The following IQGAP2 variants were observed in gnomAD, a reference collection of about 807,000 sequenced individuals.
The protein encoded by IQGAP2 is ras GTPase-activating-like protein IQGAP2.
A neutral mutation model predicts 201.3 loss-of-function variants in IQGAP2; 173 were observed. The ratio of observed to expected loss-of-function variants is 0.86; its 90% CI spans 0.76 to 0.98. IQGAP2 has a LOEUF of 0.98. Ranked by LOEUF, IQGAP2 falls within the 50% of genes least tolerant of loss-of-function variation. The pLI is 0.00. For missense variants in IQGAP2, 1,687 were observed against 1,864.8 expected (o/e 0.90, Z 1.76); for synonymous variants, 675 against 673.9 (o/e 1.00, Z -0.03).
chr5:76,428,063 A>T (rs907327525), intron 1 of IQGAP2, among the ~76,000 whole-genome samples: 1 of 152,200 alleles, frequency 6.6e-6, no homozygotes, highest in African/African-American at 2.4e-5. Flanking sequence ...TGAAGGGGCA[A>T]ACTGGCCCCA....
chr5:76,435,290 G>C (rs1195900762), intron 1 of IQGAP2, among the ~76,000 whole-genome samples: 1 of 152,060 alleles, frequency 6.6e-6, no homozygotes, highest in Admixed American at 6.6e-5. Flanking sequence ...ATGTTCAAAA[G>C]AGTTTTTCCT....
At chr5:76,456,701 A>G (rs1754106374) in intron 1 of IQGAP2, among the ~76,000 whole-genome samples, 1 of 152,240 alleles carries the variant, frequency 6.6e-6, no homozygotes, top group East Asian at 1.9e-4. Flanking sequence ...AAGATGGTTC[A>G]ATGAACAATT....
chr5:76,413,376 T>C (rs1751242673), intron 1 of IQGAP2, among the ~76,000 whole-genome samples: 1 of 151,972 alleles, frequency 6.6e-6, no homozygotes, highest in Non-Finnish European at 1.5e-5. Context: ...ACCGTATTAG[T>C]CAGGCTGCTC....
intron 1 of IQGAP2, among the ~76,000 whole-genome samples, chr5:76,442,616 T>C (rs1257142986): frequency 6.6e-6 from 1 of 152,232 alleles, no homozygotes; most frequent in Non-Finnish European, 1.5e-5. Context: ...CTAGAGTGCA[T>C]GTAAACATCT....
In IQGAP2 at chr5:76,669,495, G is replaced by A. The variant is rs532462605; in HGVS notation, c.2843+651G>A. Among the ~76,000 whole-genome samples, 7 of 152,226 alleles carry A rather than the reference G, an allele frequency of 4.6e-5. No homozygotes were observed. The South Asian group carries it at 8.3e-4, about 18-fold the overall frequency. ...ATGTGGTAAGTACTAAATGAAGGAC[G>A]CGTCTAAATGAAGGACATGTACAAT... On this transcript the variant is annotated intron_variant, in intron 23 of 35. Transcript: ENST00000274364.
In IQGAP2 at chr5:76,410,124, A is replaced by C. The variant is rs540902342; in HGVS notation, c.46+6533A>C. Among the ~76,000 whole-genome samples, 5 of 152,360 alleles carry C rather than the reference A, an allele frequency of 3.3e-5. No homozygotes were observed. The East Asian group carries it at 7.7e-4, about 23-fold the overall frequency. Reference sequence around the variant, plus strand: ...GACAGCTTACCAGAGAATCTGGGTGACAAGTAAAAATGCTTATACTTTTAG... The same window carrying C: ...GACAGCTTACCAGAGAATCTGGGTGCCAAGTAAAAATGCTTATACTTTTAG... On this transcript the variant is annotated intron_variant, in intron 1 of 35. Transcript: ENST00000274364.
intron 2 of IQGAP2, among the ~76,000 whole-genome samples, chr5:76,515,872 C>CTTTTT (rs71604295): frequency 1.6e-4 from 16 of 102,722 alleles, no homozygotes; most frequent in African/African-American, 3.9e-4. Flanking sequence ...AGGGGGTGAT[C>CTTTTT]TTTTTTTTTT....
chr5:76,429,349 G>C (rs1752199136), intron 1 of IQGAP2, among the ~76,000 whole-genome samples: 2 of 151,614 alleles, frequency 1.3e-5, no homozygotes, highest in African/African-American at 2.4e-5. Flanking sequence ...GAGGTGGGCA[G>C]ATCACGAGGT....
At chr5:76,597,409 T>C in intron 9 of IQGAP2, 30 bp from the exon 10 acceptor site, 5 of 1,611,848 alleles carry the variant, frequency 3.1e-6, no homozygotes, top group Non-Finnish European at 4.2e-6. Context: ...AGAGCAACCA[T>C]TCTGACAAAA....
intron 8 of IQGAP2, 76 bp downstream of exon 8, chr5:76,590,662 A>C (rs894389760): frequency 6.1e-5 from 68 of 1,117,028 alleles, no homozygotes; most frequent in Non-Finnish European, 8.3e-5. Flanking sequence ...TTAATGTTGA[A>C]AGCAATACTT....
At chr5:76,584,040 T>C (rs1385090517) in intron 5 of IQGAP2, among the ~76,000 whole-genome samples, 3 of 151,958 alleles carry the variant, frequency 2.0e-5, no homozygotes, top group Admixed American at 6.6e-5. Flanking sequence ...GCCCAGATAA[T>C]TTTTGTATTT....
intron 2 of IQGAP2, among the ~76,000 whole-genome samples, chr5:76,556,072 TAGAAG>T (rs1743924141): frequency 6.6e-6 from 1 of 151,900 alleles, no homozygotes; most frequent in African/African-American, 2.4e-5. Context: ...GGTTAATAGG[TAGAAG>T]AGAAGAGAGA....
In IQGAP2 at chr5:76,637,086, C is replaced by A; in HGVS notation, c.1833C>A (p.Tyr611Ter). 1 of 1,611,344 alleles carries A rather than the reference C, an allele frequency of 6.2e-7. No individual in the cohort carries two copies. The highest frequency in any genetic ancestry group is 8.5e-7 in the Non-Finnish European group (1 of 1,177,956). ...LKLNLHKKYD[Y>*]YYNTDSKESS... Reference sequence around the variant, plus strand: ...TCAACCTGCACAAAAAATATGACTACTATTACAACACTGATTCAAAAGAGA... The same window carrying A: ...TCAACCTGCACAAAAAATATGACTAATATTACAACACTGATTCAAAAGAGA... Residue 611 changes from tyrosine to a stop codon, truncating the protein, a stop_gained, in exon 16 of 36, where the codon TAC becomes TAA. Coordinates refer to ENST00000274364, the MANE Select transcript of IQGAP2 (RefSeq NM_006633.5). LOFTEE classifies it high-confidence loss of function.
At chr5:76,561,991 C>A (rs182353613) in intron 2 of IQGAP2, among the ~76,000 whole-genome samples, 18 of 152,310 alleles carry the variant, frequency 1.2e-4, no homozygotes, top group Admixed American at 1.2e-3. Flanking sequence ...ACTATGCACT[C>A]CCTAAGGCAC....
intron 16 of IQGAP2, 33 bp from the exon 17 acceptor site, chr5:76,640,900 T>A: frequency 2.7e-6 from 4 of 1,503,770 alleles, no homozygotes; most frequent in Non-Finnish European, 3.6e-6. Context: ...AGCTGATGTG[T>A]GAAGTGTAAC....
At chr5:76,509,046 T>TGG (rs1757792864) in intron 2 of IQGAP2, among the ~76,000 whole-genome samples, 1 of 150,606 alleles carries the variant, frequency 6.6e-6, no homozygotes, top group Non-Finnish European at 1.5e-5. Context: ...TGTGTGTGTG[T>TGG]GTGTGTGTGT....
intron 1 of IQGAP2, among the ~76,000 whole-genome samples, chr5:76,426,846 G>C (rs986021488): frequency 5.9e-5 from 9 of 151,750 alleles, no homozygotes; most frequent in African/African-American, 2.2e-4. Context: ...CTCCATCCTT[G>C]GCTGTCACAC....
At chr5:76,510,275 T>C (rs1023661182) in intron 2 of IQGAP2, among the ~76,000 whole-genome samples, 1 of 152,212 alleles carries the variant, frequency 6.6e-6, no homozygotes, top group Non-Finnish European at 1.5e-5. Context: ...GCTGGAATTA[T>C]AGGCATGAGC....
At chr5:76,590,372 T>C (rs201335505) in intron 7 of IQGAP2, 36 bp from the exon 8 acceptor site, 1 of 1,536,842 alleles carries the variant, frequency 6.5e-7, no homozygotes, top group East Asian at 2.3e-5. Context: ...CTTTTGCTGA[T>C]AAAAACCTTT....
Sources: allele counts gnomAD v4.1 joint callset (sites outside exome capture counted in the v4.1 genomes callset), GRCh38; gene constraint gnomAD v4.1.1; transcripts MANE v1.5; gene names NCBI Gene and HGNC (gene_info 2026-07-23, HGNC 2026-07-21).